SPEG: variants seen among roughly 807,000 people sequenced by gnomAD.
SPEG encodes striated muscle enriched protein kinase, also known as striated muscle preferentially expressed protein kinase.
Under a neutral mutation model 300.4 loss-of-function variants are expected in SPEG, and 114 were observed. That is an observed-to-expected ratio of 0.38 (90% CI 0.33 to 0.44). The LOEUF (loss-of-function observed/expected upper bound fraction) is 0.44, where lower values mean the gene tolerates loss of function less well. Ranked by LOEUF, SPEG falls within the 20% of genes least tolerant of loss-of-function variation. The pLI, the probability that SPEG is intolerant of heterozygous loss-of-function variation, is 1.00. For missense variants in SPEG, 4,201 were observed against 4,586.2 expected (o/e 0.92, Z 2.43); for synonymous variants, 1,964 against 2,018.9 (o/e 0.97, Z 0.73).
intron 1 of SPEG, among the ~76,000 whole-genome samples, chr2:219,442,714 C>A (rs895114775): frequency 2.6e-5 from 4 of 151,274 alleles, no homozygotes; most frequent in Non-Finnish European, 5.9e-5. Flanking sequence ...CCCCGCCCCC[C>A]GCATCCCCAT....
Position 219,480,262 on chromosome 2 carries a change from A to T in SPEG, c.5342+122A>T, listed in dbSNP as rs1448394638. 5.5e-6 allele frequency: 6 copies of T among 1,098,300 alleles called. No homozygotes were observed. In the East Asian group the frequency reaches 1.5e-4, roughly 27 times the overall value. The allele number at this position is 1,098,300 out of a possible 1,614,324, so 68.0% of individuals were successfully genotyped here. A position where few individuals can be genotyped will look rare whatever the true frequency, so the allele number is the denominator to read the frequency against. On this transcript the variant is annotated intron_variant, in intron 25 of 40. Transcript: ENST00000312358. The surrounding 1 kb of genome is among the most constrained non-coding windows in gnomAD (Gnocchi z 5.3). Reference sequence around the variant, plus strand: ...TTCCTCCTGAAGGTGGGCTGGAGGCATTGTTTGCAGGGTCTCCTGCCCATG... The same window carrying T: ...TTCCTCCTGAAGGTGGGCTGGAGGCTTTGTTTGCAGGGTCTCCTGCCCATG...
chr2:219,479,099 C>T lies in SPEG; in HGVS notation c.5028-45C>T, dbSNP rs748730393. The T allele has an allele frequency of 1.1e-5, 17 of 1,579,232 alleles. No homozygotes were observed. Among genetic ancestry groups the T allele is most frequent in the East Asian group, 4.5e-5 (2 of 44,716 alleles). On this transcript the variant is annotated intron_variant, in intron 22 of 40. Coordinates refer to ENST00000312358, the MANE Select transcript of SPEG (RefSeq NM_005876.5). The surrounding 1 kb of genome is among the most constrained non-coding windows in gnomAD (Gnocchi z 5.5). ...ACCTGCCCTGAGCGCTGGGCTGGGCCGGGCAGTTGGCACTGGGCACTGTTC... is the reference window on the plus strand; with the variant it reads ...ACCTGCCCTGAGCGCTGGGCTGGGCTGGGCAGTTGGCACTGGGCACTGTTC...
At chr2:219,440,565 A>T (rs1197172946) in intron 1 of SPEG, among the ~76,000 whole-genome samples, 1 of 29,504 alleles carries the variant, frequency 3.4e-5, no homozygotes, top group Non-Finnish European at 9.9e-5. Flanking sequence ...ATTTTATTTT[A>T]TTTATTTATT....
rs10167209 is a variant in SPEG, at chr2:219,469,228, T to G, written c.3564T>G (p.Pro1188=). ...EQGELERLSI[P]DFLRPLQDLE... is the part of the protein sequence containing the mutation. ...GTGAGCTGGAGCGGCTGTCCATTCC[T>G]GACTTCCTGCGGCCACTGCAGGACC... Residue 1188 remains proline (P), a synonymous_variant, in exon 13 of 41, where the codon CCT becomes CCG. Coordinates refer to ENST00000312358, the MANE Select transcript of SPEG (RefSeq NM_005876.5). The G allele has an allele frequency of 4.7e-4, 761 of 1,613,804 alleles. 1 individual carries two copies. Among genetic ancestry groups the G allele is most frequent in the Non-Finnish European group, 6.2e-4 (728 of 1,180,016 alleles).
At chr2:219,442,114 AG>A (rs1688963584) in intron 1 of SPEG, 9 of 1,164,640 alleles carry the variant, frequency 7.7e-6, no homozygotes, top group Non-Finnish European at 9.7e-6. Context: ...CGGCGCCGGG[AG>A]GGGGCAGGGA....
intron 6 of SPEG, among the ~76,000 whole-genome samples, chr2:219,453,081 G>A (rs1420950619): frequency 2.0e-5 from 3 of 152,106 alleles, no homozygotes; most frequent in African/African-American, 7.2e-5. Flanking sequence ...CATCACCTCC[G>A]GGATCTGGCT....
In SPEG at chr2:219,451,590, G is replaced by A. The variant is rs1559373787; in HGVS notation, c.2258-35G>A. ...AGAGATTCTCAGTGGGCGCCTGTGG[G>A]CCGTGGCGAGCCGGGTCCCTGTGCC... On this transcript the variant is annotated intron_variant, in intron 5 of 40. Coordinates refer to ENST00000312358, the MANE Select transcript of SPEG (RefSeq NM_005876.5). The surrounding 1 kb of genome is among the most constrained non-coding windows in gnomAD (Gnocchi z 6.4). The A allele has an allele frequency of 5.4e-6, 8 of 1,479,076 alleles. No individual in the cohort carries two copies. Among genetic ancestry groups the A allele is most frequent in the Non-Finnish European group, 7.2e-6 (8 of 1,114,808 alleles). 91.6% of individuals were successfully genotyped at this position (1,479,076 alleles called of 1,614,324 possible). A position where few individuals can be genotyped will look rare whatever the true frequency, so the allele number is the denominator to read the frequency against.
At chr2:219,436,683 C>T (rs898528910) in intron 1 of SPEG, among the ~76,000 whole-genome samples, 1 of 152,126 alleles carries the variant, frequency 6.6e-6, no homozygotes, top group Non-Finnish European at 1.5e-5. Flanking sequence ...TGCCCACCTT[C>T]CTGGAGTCTC....
chr2:219,483,426 G>T lies in SPEG; in HGVS notation c.5963G>T (p.Ser1988Ile), dbSNP rs983680271. Residue 1988 changes from serine (S) to isoleucine (I), a missense_variant, in exon 30 of 41, where the codon AGC becomes ATC. By Grantham distance (142) the Ser-to-Ile change is moderately radical (BLOSUM62 -2). Coordinates refer to ENST00000312358, the MANE Select transcript of SPEG (RefSeq NM_005876.5). ...CCCTCTCAGGACCAGGAGGCTCCCA[G>T]CCCAGAGGCCCTCCCCTCCCCAGGC... ...RAPSQDQEAP[S>I]PEALPSPGQE... is the part of the protein sequence containing the mutation. 1.9e-5 allele frequency: 29 copies of T among 1,567,344 alleles called. No homozygotes were observed. Among genetic ancestry groups the T allele is most frequent in the Non-Finnish European group, 2.4e-5 (28 of 1,164,106 alleles).
Position 219,465,934 on chromosome 2 carries a change from C to T in SPEG, c.2882-1240C>T, listed in dbSNP as rs755643205. ...ATGCGTGTGTGTGTGCGCGCGTGTG[C>T]GTGCACGTGTGCGTGCATGTGTGCG... On this transcript the variant is annotated intron_variant, in intron 9 of 40. Coordinates refer to ENST00000312358, the MANE Select transcript of SPEG (RefSeq NM_005876.5). 260 of 626,024 alleles carry T rather than the reference C, an allele frequency of 4.2e-4. 1 individual carries two copies. In the African/African-American group the frequency reaches 5.5e-3, roughly 13 times the overall value. 38.8% of individuals were successfully genotyped at this position (626,024 alleles called of 1,614,324 possible). A position where few individuals can be genotyped will look rare whatever the true frequency, so the allele number is the denominator to read the frequency against.
chr2:219,445,574 G>T lies in SPEG; in HGVS notation c.815+413G>T, dbSNP rs953845893. The T allele has an allele frequency of 1.7e-5, 4 of 234,408 alleles. No homozygotes were observed. Among genetic ancestry groups the T allele is most frequent in the Non-Finnish European group, 3.4e-5 (4 of 119,266 alleles). 14.5% of individuals were successfully genotyped at this position (234,408 alleles called of 1,614,324 possible). On this transcript the variant is annotated intron_variant, in intron 3 of 40. Transcript: ENST00000312358. This position sits in a 1 kb window ranked among gnomAD's most constrained non-coding sequence, Gnocchi z 6.1. ...CCTTTTCATCTCTCTGCACATTCCT[G>T]TTCCCATGTGGGCCTTTTTCTGGGA...
At position 219,444,363 on chromosome 2, in the gene SPEG, A is replaced by T. The variant is rs1245844626; in HGVS notation, c.389-290A>T. Among the ~76,000 whole-genome samples, 1 of 152,118 alleles carries T rather than the reference A, an allele frequency of 6.6e-6. No homozygotes were observed. The highest frequency in any genetic ancestry group is 1.5e-5 in the Non-Finnish European group (1 of 68,016). On this transcript the variant is annotated intron_variant, in intron 1 of 40. Coordinates refer to ENST00000312358, the MANE Select transcript of SPEG (RefSeq NM_005876.5). The surrounding 1 kb of genome is among the most constrained non-coding windows in gnomAD (Gnocchi z 7.8). Reference sequence around the variant, plus strand: ...GAGGGAGAAGGGAGGAGGCTCTGATAATCCATTAAGATATTGGCAGGCGGG... The same window carrying T: ...GAGGGAGAAGGGAGGAGGCTCTGATTATCCATTAAGATATTGGCAGGCGGG...
intron 3 of SPEG, among the ~76,000 whole-genome samples, chr2:219,447,155 C>G (rs1251616291): frequency 6.6e-6 from 1 of 152,084 alleles, no homozygotes; most frequent in African/African-American, 2.4e-5. Context: ...CCCACACTCC[C>G]TATTCAGGCC....
chr2:219,490,386 G>A, intron 36 of SPEG, 23 bp from the exon 37 acceptor site: 1 of 1,601,634 alleles, frequency 6.2e-7, no homozygotes, highest in Non-Finnish European at 8.5e-7. Flanking sequence ...TGAGCCGGTG[G>A]TGTCCCTCCC....
rs750138272 is a variant in SPEG, at chr2:219,448,089, C to G, written c.931C>G (p.Pro311Ala). ...PPPSKSALLP[P>A]PSPRVGKRSP... ...TCCTTCCAAATCCGCGCTGCTCCCC[C>G]CACCGTCCCCTCGGGTCGGGAAGCG... Residue 311 changes from proline (P) to alanine (A), a missense_variant, in exon 4 of 41, where the codon CCA becomes GCA. Around this residue, in one of 4 missense-constraint regions of SPEG, gnomAD observed 1,258 missense variants for 1,293.9 expected, o/e 0.97. Coordinates refer to ENST00000312358, the MANE Select transcript of SPEG (RefSeq NM_005876.5). 3.1e-6 allele frequency: 5 copies of G among 1,606,190 alleles called. No homozygotes were observed. The highest frequency in any genetic ancestry group is 1.7e-5 in the Admixed American group (1 of 59,428).
intron 3 of SPEG, among the ~76,000 whole-genome samples, chr2:219,447,676 T>G (rs1689411582): frequency 6.6e-6 from 1 of 152,072 alleles, no homozygotes; most frequent in Non-Finnish European, 1.5e-5. Context: ...CAGTTCTGTT[T>G]CCGCTGTTTC....
chr2:219,469,030 C>G lies in SPEG; in HGVS notation c.3473C>G (p.Thr1158Arg), dbSNP rs1161957991. 2 of 1,612,488 alleles carry G rather than the reference C, an allele frequency of 1.2e-6. No homozygotes were observed. Among genetic ancestry groups the G allele is most frequent in the Non-Finnish European group, 1.7e-6 (2 of 1,179,332 alleles). The change falls in exon 12 of 41, where the codon ACA (threonine) becomes AGA (arginine). Residue 1158 changes from threonine to arginine, a missense_variant. This residue lies in a region of SPEG where 1,047 missense variants were observed against 1,356.8 expected (regional missense o/e 0.77). Transcript: ENST00000312358. ...SAQLYVEEPR[T>R]AASGPSSKLE... ...CAGCTGTATGTAGAAGAGCCCCGGA[C>G]AGCCGCCTCAGGCCCCAGGTACCAC...
intron 13 of SPEG, 113 bp downstream of exon 13, chr2:219,469,492 G>C: frequency 1.1e-6 from 1 of 881,264 alleles, no homozygotes; most frequent in Non-Finnish European, 1.7e-6. Context: ...CCTGACCAGG[G>C]ACAGGGTGCC....
intron 6 of SPEG, among the ~76,000 whole-genome samples, chr2:219,452,228 C>G (rs1454652460): frequency 1.3e-5 from 2 of 152,198 alleles, no homozygotes; most frequent in African/African-American, 4.8e-5. Context: ...ACAGTCCCCC[C>G]TCCCAGTAAA....
Sources: gnomAD v4.1 joint callset for allele counts (sites outside exome capture counted in the v4.1 genomes callset) on GRCh38, gnomAD v4.1.1 for gene constraint, gnomAD v4.1.1 regional missense constraint, Gnocchi (gnomAD v3.1) non-coding constraint, MANE v1.5 for transcripts, NCBI Gene and HGNC (gene_info 2026-07-23, HGNC 2026-07-21) for gene names.